Variants in CASZ1 observed in about 807,000 individuals in gnomAD.
CASZ1 encodes zinc finger protein castor homolog 1.
In CASZ1, 28 loss-of-function variants were observed where a neutral mutation model predicts 135.2. The ratio of observed to expected loss-of-function variants is 0.21; its 90% CI spans 0.15 to 0.28. The LOEUF (loss-of-function observed/expected upper bound fraction) is 0.28, where lower values mean the gene tolerates loss of function less well. Ranked by LOEUF, CASZ1 falls within the 10% of genes least tolerant of loss-of-function variation. CASZ1 has a pLI of 1.00. For missense variants in CASZ1, 2,161 were observed against 2,453.3 expected (o/e 0.88, Z 2.52); for synonymous variants, 1,068 against 1,073.4 (o/e 0.99, Z 0.10).
Position 10,656,703 on chromosome 1 carries a change from G to A in CASZ1, c.1443C>T (p.His481=). 6.2e-7 allele frequency: 1 copy of A among 1,603,060 alleles called. No individual in the cohort carries two copies. The highest frequency in any genetic ancestry group is 8.5e-7 in the Non-Finnish European group (1 of 1,175,748). Residue 481 remains histidine (H), a synonymous_variant, in exon 8 of 21, where the codon CAC becomes CAT. Transcript: ENST00000377022. The stretch of plus-strand genomic sequence containing the variant: ...AGTGCTCGCGGTACTGGTAGGCACA[G>A]TGGATGTGGCCACAGTGCTGGCTGC... The part of the protein sequence containing the change: ...FSGSQHCGHI[H]CAYQYREHYH...
Position 10,701,144 on chromosome 1 carries a change from GGAGCT to G in CASZ1, c.-24+4343_-24+4347del, listed in dbSNP as rs1325487402. ...GATGCCAGGGCCAGCAGGTTGTCAA[GGAGCT>G]GAGCTGCCCCAGGTGTCTGGTGGGG... On this transcript the variant is annotated intron_variant, in intron 3 of 20. Coordinates refer to ENST00000377022, the MANE Select transcript of CASZ1 (RefSeq NM_001079843.3). This position sits in a 1 kb window ranked among gnomAD's most constrained non-coding sequence, Gnocchi z 6.3. 6.6e-6 allele frequency among the ~76,000 whole-genome samples: 1 copy of G among 152,294 alleles called. No individual in the cohort carries two copies. Among genetic ancestry groups the G allele is most frequent in the Admixed American group, 6.5e-5 (1 of 15,306 alleles).
rs1172983697 is a variant in CASZ1, at chr1:10,657,343, C to T, written c.1410-607G>A. 6.6e-6 allele frequency among the ~76,000 whole-genome samples: 1 copy of T among 152,234 alleles called. No individual in the cohort carries two copies. Among genetic ancestry groups the T allele is most frequent in the South Asian group, 2.1e-4 (1 of 4,830 alleles). The stretch of plus-strand genomic sequence containing the variant: ...CAGGGCCGCTGGGACGTGGCTCCCA[C>T]AGCCTCGGTGACGGCCGGCCGTGGG... On this transcript the variant is annotated intron_variant, in intron 7 of 20. Transcript: ENST00000377022. This position sits in a 1 kb window ranked among gnomAD's most constrained non-coding sequence, Gnocchi z 5.7.
chr1:10,655,594 G>A (rs1214890419), intron 9 of CASZ1, 55 bp downstream of exon 9: 24 of 1,525,566 alleles, frequency 1.6e-5, no homozygotes, highest in South Asian at 1.4e-4. Context: ...GCTCAGAGCC[G>A]GGAGGGCCTG....
intron 5 of CASZ1, among the ~76,000 whole-genome samples, chr1:10,662,540 T>C (rs1230731335): frequency 6.6e-6 from 1 of 151,410 alleles, no homozygotes; most frequent in African/African-American, 2.4e-5. Flanking sequence ...ACAACACACA[T>C]GCAATCACAC....
intron 1 of CASZ1, among the ~76,000 whole-genome samples, chr1:10,782,791 AG>A (rs1409964694): frequency 1.3e-5 from 2 of 149,422 alleles, no homozygotes; most frequent in Non-Finnish European, 3.0e-5. Context: ...CGTCCCTGGG[AG>A]GGGGGAAGGC....
At chr1:10,651,546 A>AG (rs112174900) in intron 11 of CASZ1, 6,902 of 152,822 alleles carry the variant, frequency 0.045, 188 homozygotes, top group Non-Finnish European at 0.071. Flanking sequence ...CTGCTGTGTC[A>AG]GGGCGATGGG....
At chr1:10,654,885 T>C (rs1642736332) in intron 9 of CASZ1, among the ~76,000 whole-genome samples, 1 of 152,212 alleles carries the variant, frequency 6.6e-6, no homozygotes, top group Non-Finnish European at 1.5e-5. Flanking sequence ...GGGAGGGAGC[T>C]GCATCCTGCA....
rs1342567751 is a variant in CASZ1, at chr1:10,726,207, C to A, written c.-76-20663G>T. Among the ~76,000 whole-genome samples, 4 of 151,358 alleles carry A rather than the reference C, an allele frequency of 2.6e-5. No individual in the cohort carries two copies. The highest frequency in any genetic ancestry group is 9.8e-5 in the African/African-American group (4 of 40,698). On this transcript the variant is annotated intron_variant, in intron 2 of 20. Transcript: ENST00000377022. The surrounding 1 kb of genome is among the most constrained non-coding windows in gnomAD (Gnocchi z 5.7). The stretch of plus-strand genomic sequence containing the variant: ...GACCGCGTCCCAGGCAGAGTGAAGT[C>A]GGTTTTATAAACCACCTCATTAAAC...
At position 10,657,494 on chromosome 1, in the gene CASZ1, G is replaced by C. The variant is rs1332251911; in HGVS notation, c.1410-758C>G. ...AGAGAGAAACCCCATACTGTAATGG[G>C]AAAACCACGTGCAAACAAATATTTA... On this transcript the variant is annotated intron_variant, in intron 7 of 20. Transcript: ENST00000377022. This position sits in a 1 kb window ranked among gnomAD's most constrained non-coding sequence, Gnocchi z 5.7. Among the ~76,000 whole-genome samples the C allele has an allele frequency of 6.6e-6, 1 of 152,194 alleles. No homozygotes were observed. Among genetic ancestry groups the C allele is most frequent in the Non-Finnish European group, 1.5e-5 (1 of 68,038 alleles).
intron 4 of CASZ1, among the ~76,000 whole-genome samples, chr1:10,688,321 T>TG (rs1638659239): frequency 6.6e-6 from 1 of 152,100 alleles, no homozygotes; most frequent in Admixed American, 6.5e-5. Context: ...AAAGGTTGCA[T>TG]GGGGCAAGAA....
intron 4 of CASZ1, among the ~76,000 whole-genome samples, chr1:10,682,667 G>C (rs1461275695): frequency 6.6e-6 from 1 of 152,200 alleles, no homozygotes; most frequent in Non-Finnish European, 1.5e-5. Flanking sequence ...TCCCTGCAAG[G>C]AGCCTGTCTC....
intron 1 of CASZ1, among the ~76,000 whole-genome samples, chr1:10,782,073 G>T (rs1640772603): frequency 6.6e-6 from 1 of 152,230 alleles, no homozygotes. Context: ...CAAGGGCATC[G>T]CTGTGCCTCT....
Position 10,653,840 on chromosome 1 carries a change from G to T in CASZ1, c.2217C>A (p.Ser739Arg). 1 of 1,608,856 alleles carries T rather than the reference G, an allele frequency of 6.2e-7. No individual in the cohort carries two copies. The change falls in exon 11 of 21, where the codon AGC becomes AGA. Residue 739 changes from serine (S) to arginine (R), a missense_variant. Ser to Arg is a moderately radical substitution (Grantham distance 110). Coordinates refer to ENST00000377022, the MANE Select transcript of CASZ1 (RefSeq NM_001079843.3). ...AGGACTGCTGGCTGGTAGGGGAGGC[G>T]CTCAGGCTGGAGTTCTTGCTGCTCA... ...SALSSKNSSLSASPTSQQSSA... is the reference protein window; with the variant it reads ...SALSSKNSSLRASPTSQQSSA...
At chr1:10,743,435 C>A (rs923631676) in intron 2 of CASZ1, among the ~76,000 whole-genome samples, 1 of 149,752 alleles carries the variant, frequency 6.7e-6, no homozygotes, top group Admixed American at 6.6e-5. Flanking sequence ...CCTGGGAGAG[C>A]CCTGGGCCTC....
At position 10,647,636 on chromosome 1, in the gene CASZ1, G is replaced by A; in HGVS notation, c.3497+165C>T. On this transcript the variant is annotated intron_variant, in intron 16 of 20. Coordinates refer to ENST00000377022, the MANE Select transcript of CASZ1 (RefSeq NM_001079843.3). The surrounding 1 kb of genome is among the most constrained non-coding windows in gnomAD (Gnocchi z 4.9). Reference sequence around the variant, plus strand: ...TGGGACAGGCAGTGAGGTAGGAGCAGCAGCATCTTTGGCTAGAAGGACATC... The same window carrying A: ...TGGGACAGGCAGTGAGGTAGGAGCAACAGCATCTTTGGCTAGAAGGACATC... The A allele has an allele frequency of 2.0e-6, 3 of 1,465,654 alleles. No homozygotes were observed. The highest frequency in any genetic ancestry group is 2.7e-6 in the Non-Finnish European group (3 of 1,111,874). 90.8% of individuals were successfully genotyped at this position (1,465,654 alleles called of 1,614,324 possible). A position where few individuals can be genotyped will look rare whatever the true frequency, so the allele number is the denominator to read the frequency against.
rs1239521533 is a variant in CASZ1, at chr1:10,711,549, C to T, written c.-76-6005G>A. On this transcript the variant is annotated intron_variant, in intron 2 of 20. Transcript: ENST00000377022. The surrounding 1 kb of genome is among the most constrained non-coding windows in gnomAD (Gnocchi z 4.4). ...TAGGAGAGATGGTGCAATTCCATTC[C>T]CAGGCATATACCAGAAAAAATGGAA... Among the ~76,000 whole-genome samples the T allele has an allele frequency of 2.0e-5, 3 of 150,850 alleles. No individual in the cohort carries two copies. Among genetic ancestry groups the T allele is most frequent in the Non-Finnish European group, 4.4e-5 (3 of 67,872 alleles).
Position 10,653,479 on chromosome 1 carries a change from C to T in CASZ1, c.2578G>A (p.Ala860Thr), listed in dbSNP as rs759531544. The change falls in exon 11 of 21, where the codon GCC becomes ACC. Residue 860 changes from alanine (A) to threonine (T), a missense_variant. Physicochemically the swap from Ala to Thr is moderately conservative, Grantham distance 58. This residue lies in a region of CASZ1 where 406 missense variants were observed against 387.6 expected (regional missense o/e 1.05). Transcript: ENST00000377022. ...GCAGAGATCCTCTCCATGATGGAGG[C>T]GGGTGGTGCCGGGACAGAGGCGGCA... is the stretch of plus-strand genomic sequence containing the variant. ...VAAASVPAPPASIMERISASK... is the reference protein window; with the variant it reads ...VAAASVPAPPTSIMERISASK... 19 of 1,612,758 alleles carry T rather than the reference C, an allele frequency of 1.2e-5. No homozygotes were observed. Among genetic ancestry groups the T allele is most frequent in the Admixed American group, 3.3e-5 (2 of 59,972 alleles).
chr1:10,665,330 T>C lies in CASZ1; in HGVS notation c.258A>G (p.Ala86=), dbSNP rs17035539. Residue 86 remains alanine, a synonymous_variant, in exon 5 of 21, where the codon GCA becomes GCG. Coordinates refer to ENST00000377022, the MANE Select transcript of CASZ1 (RefSeq NM_001079843.3). ...CCCCGTTCACCCACTTCTCGATCAC[T>C]GCCCGTCTCTTGTCTTCCTCGCTGC... The part of the protein sequence containing the change: ...APRSEEDKRR[A]VIEKWVNGEY... 0.06 allele frequency: 96,681 copies of C among 1,612,362 alleles called. 4,469 individuals carry two copies. The highest frequency in any genetic ancestry group is 0.23 in the African/African-American group (16,916 of 74,968).
intron 4 of CASZ1, among the ~76,000 whole-genome samples, chr1:10,687,014 C>T (rs1040042233): frequency 1.3e-5 from 2 of 152,158 alleles, no homozygotes; most frequent in African/African-American, 2.4e-5. Context: ...GGCTAGAGGG[C>T]GGTGAGGATC....
Sources: gnomAD v4.1 joint callset for allele counts (sites outside exome capture counted in the v4.1 genomes callset) on GRCh38, gnomAD v4.1.1 for gene constraint, gnomAD v4.1.1 regional missense constraint, Gnocchi (gnomAD v3.1) non-coding constraint, MANE v1.5 for transcripts, NCBI Gene and HGNC (gene_info 2026-07-23, HGNC 2026-07-21) for gene names.